RFX2: variants seen among roughly 807,000 people sequenced by gnomAD.
RFX2 encodes the protein DNA-binding protein RFX2.
A neutral mutation model predicts 87.8 loss-of-function variants in RFX2; 20 were observed. The observed-to-expected ratio is 0.23, with a 90% confidence interval of 0.16 to 0.33. The LOEUF (loss-of-function observed/expected upper bound fraction) is 0.33. Ranked by LOEUF, RFX2 falls within the 10% of genes least tolerant of loss-of-function variation. The pLI is 1.00. For missense variants in RFX2, 767 were observed against 1,012.3 expected, an observed-to-expected ratio of 0.76 and a Z score of 3.29; for synonymous variants, 397 against 431.3, an observed-to-expected ratio of 0.92 and a Z score of 0.98.
rs116208371 is a variant in RFX2, at chr19:6,021,179, G to T, written c.598-4908C>A. 0.02 allele frequency among the ~76,000 whole-genome samples: 3,096 copies of T among 152,312 alleles called. 102 individuals carry two copies. Among genetic ancestry groups the T allele is most frequent in the African/African-American group, 0.071 (2,955 of 41,552 alleles). Reference sequence around the variant, plus strand: ...TCACCGGGCCATACACTAGCAGCTCGGGCAGCTATTCCAACCGTCCAGGTG... The same window carrying T: ...TCACCGGGCCATACACTAGCAGCTCTGGCAGCTATTCCAACCGTCCAGGTG... On this transcript the variant is annotated intron_variant, in intron 6 of 17. Coordinates refer to ENST00000303657, the MANE Select transcript of RFX2 (RefSeq NM_000635.4). This position sits in a 1 kb window ranked among gnomAD's most constrained non-coding sequence, Gnocchi z 5.7.
intron 16 of RFX2, 46 bp from the exon 17 acceptor site, chr19:5,995,689 G>A (rs1318186495): frequency 6.5e-7 from 1 of 1,535,622 alleles, no homozygotes; most frequent in Non-Finnish European, 8.8e-7. Flanking sequence ...AGGGGCGGCA[G>A]TTGCTGTTTG....
intron 1 of RFX2, among the ~76,000 whole-genome samples, chr19:6,093,207 G>A (rs1247756512): frequency 6.6e-6 from 1 of 152,122 alleles, no homozygotes; most frequent in African/African-American, 2.4e-5. Flanking sequence ...CAGCATTGGC[G>A]GTAAAGTGGA....
At chr19:6,042,562 G>A (rs1253290732) in intron 3 of RFX2, among the ~76,000 whole-genome samples, 1 of 152,138 alleles carries the variant, frequency 6.6e-6, no homozygotes, top group Non-Finnish European at 1.5e-5. Context: ...TCAAGCTGGC[G>A]TGCAGGCTGC....
rs370145903 is a variant in RFX2, at chr19:6,100,402, A to G, written c.-9+9991T>C. On this transcript the variant is annotated intron_variant, in intron 1 of 17. Transcript: ENST00000303657. ...GCGGTTGGGAGAAGAGGAAGAGATC[A>G]GTAAGAATCCAGAGACGACAGAGCC... is the stretch of plus-strand genomic sequence containing the variant. Among the ~76,000 whole-genome samples, 664 of 152,344 alleles carry G rather than the reference A, an allele frequency of 4.4e-3. 2 individuals are homozygous for G. The highest frequency in any genetic ancestry group is 0.015 in the African/African-American group (626 of 41,578).
intron 1 of RFX2, among the ~76,000 whole-genome samples, chr19:6,055,712 A>C (rs750761884): frequency 6.6e-6 from 1 of 152,224 alleles, no homozygotes; most frequent in Non-Finnish European, 1.5e-5. Flanking sequence ...GTCACCAAAA[A>C]GTAAAAATAA....
In RFX2 at chr19:6,002,905, C is replaced by T. The variant is rs770619538; in HGVS notation, c.1501-35G>A. The T allele has an allele frequency of 2.1e-5, 33 of 1,581,272 alleles. No homozygotes were observed. Among genetic ancestry groups the T allele is most frequent in the African/African-American group, 6.7e-5 (5 of 74,670 alleles). ...AGGGCTCGTGGTGAGCAGGGGTTCG[C>T]AGGGAGAGCCTGTTCCGCTGCGCTC... On this transcript the variant is annotated intron_variant, in intron 13 of 17. Transcript: ENST00000303657. The surrounding 1 kb of genome is among the most constrained non-coding windows in gnomAD (Gnocchi z 6.7).
At position 6,047,359 on chromosome 19, in the gene RFX2, C is replaced by T. The variant is rs371159245; in HGVS notation, c.90+48G>A. On this transcript the variant is annotated intron_variant, in intron 2 of 17. Transcript: ENST00000303657. The surrounding 1 kb of genome is among the most constrained non-coding windows in gnomAD (Gnocchi z 4.2). ...GAGCAGCTTTCAAACCCATAGAGAT[C>T]GCGTCCACACTGTGGCCACCCTGTT... The T allele has an allele frequency of 2.2e-5, 31 of 1,437,310 alleles. No homozygotes were observed. The highest frequency in any genetic ancestry group is 2.8e-5 in the African/African-American group (2 of 70,422). 89.0% of individuals were successfully genotyped at this position (1,437,310 alleles called of 1,614,324 possible).
At chr19:6,008,460 G>T (rs1401303161) in intron 9 of RFX2, among the ~76,000 whole-genome samples, 1 of 141,994 alleles carries the variant, frequency 7.0e-6, no homozygotes, top group Admixed American at 7.2e-5. Context: ...GCAACCTCCA[G>T]CTCCTGGGAT....
chr19:6,098,962 C>G (rs946357793), intron 1 of RFX2, among the ~76,000 whole-genome samples: 1 of 80,336 alleles, frequency 1.2e-5, no homozygotes, highest in Non-Finnish European at 2.1e-5. Context: ...ACTGCTTGAA[C>G]CACAAAAAAA....
intron 1 of RFX2, among the ~76,000 whole-genome samples, chr19:6,090,587 G>A: frequency 6.6e-6 from 1 of 152,134 alleles, no homozygotes. Context: ...CTCACTCCCT[G>A]CCGGTGGGAC....
intron 1 of RFX2, among the ~76,000 whole-genome samples, chr19:6,062,949 C>T (rs951407761): frequency 2.0e-5 from 3 of 152,172 alleles, no homozygotes; most frequent in African/African-American, 7.2e-5. Context: ...TCAATATCTG[C>T]TCGTCCTTTC....
chr19:6,107,512 GA>G (rs1214342510), intron 1 of RFX2, among the ~76,000 whole-genome samples: 5 of 150,918 alleles, frequency 3.3e-5, no homozygotes, highest in African/African-American at 1.2e-4. Flanking sequence ...AGCTATTCAG[GA>G]GGCTGAGACA....
At chr19:6,098,744 T>C (rs1005450622) in intron 1 of RFX2, among the ~76,000 whole-genome samples, 4 of 151,486 alleles carry the variant, frequency 2.6e-5, no homozygotes, top group African/African-American at 9.7e-5. Context: ...GATCCACGTG[T>C]TGGGAAATGC....
In RFX2 at chr19:6,039,792, C is replaced by G. The variant is rs2087077717; in HGVS notation, c.522+188G>C. On this transcript the variant is annotated intron_variant, in intron 5 of 17. Transcript: ENST00000303657. The surrounding 1 kb of genome is among the most constrained non-coding windows in gnomAD (Gnocchi z 5.2). ...CAATGGCCAACTGAAGTTCAAAGAA[C>G]TCTGCAGGCCTGCCTATGGTTGCGT... Among the ~76,000 whole-genome samples the G allele has an allele frequency of 6.6e-6, 1 of 152,258 alleles. No homozygotes were observed. The highest frequency in any genetic ancestry group is 2.4e-5 in the African/African-American group (1 of 41,470).
chr19:5,999,401 A>C lies in RFX2; in HGVS notation c.1860-2188T>G, dbSNP rs1278135389. On this transcript the variant is annotated intron_variant, in intron 15 of 17. Coordinates refer to ENST00000303657, the MANE Select transcript of RFX2 (RefSeq NM_000635.4). This position sits in a 1 kb window ranked among gnomAD's most constrained non-coding sequence, Gnocchi z 4.1. ...TGGCAGGCACCTCAGTCCTGCGCTC[A>C]CTCTGCTCTTCTCAATTCTTCCGCT... Among the ~76,000 whole-genome samples the C allele has an allele frequency of 6.6e-6, 1 of 151,740 alleles. No homozygotes were observed. The highest frequency in any genetic ancestry group is 1.5e-5 in the Non-Finnish European group (1 of 67,932).
Position 6,007,831 on chromosome 19 carries a change from C to A in RFX2, c.1135-29G>T. 2.1e-6 allele frequency: 3 copies of A among 1,414,206 alleles called. No individual in the cohort carries two copies. Among genetic ancestry groups the A allele is most frequent in the Non-Finnish European group, 2.9e-6 (3 of 1,021,612 alleles). 87.6% of individuals were successfully genotyped at this position (1,414,206 alleles called of 1,614,324 possible). On this transcript the variant is annotated intron_variant, in intron 10 of 17. Coordinates refer to ENST00000303657, the MANE Select transcript of RFX2 (RefSeq NM_000635.4). This position sits in a 1 kb window ranked among gnomAD's most constrained non-coding sequence, Gnocchi z 8.2. ...GGAATGAAGGGACCGGTGAGACAGA[C>A]GGGTGCGTGCGCCCATCACGTGCAC...
intron 5 of RFX2, among the ~76,000 whole-genome samples, chr19:6,038,328 GAAAAAAAAAAAA>G (rs55857624): frequency 1.6e-5 from 1 of 61,100 alleles, no homozygotes; most frequent in African/African-American, 6.8e-5. Flanking sequence ...CTCCGTCTCA[GAAAAAAAAAAAA>G]AAAAAAAAAA....
intron 1 of RFX2, among the ~76,000 whole-genome samples, chr19:6,093,634 G>A (rs766535332): frequency 7.2e-5 from 11 of 151,924 alleles, no homozygotes; most frequent in Admixed American, 5.2e-4. Flanking sequence ...AAACACAGTA[G>A]AAAGTGATAA....
intron 1 of RFX2, among the ~76,000 whole-genome samples, chr19:6,109,646 G>A (rs998569185): frequency 6.6e-6 from 1 of 152,182 alleles, no homozygotes; most frequent in Non-Finnish European, 1.5e-5. Flanking sequence ...GACTAAGAGT[G>A]ACAGAAGGGC....
Sources: allele counts gnomAD v4.1 joint callset (sites outside exome capture counted in the v4.1 genomes callset), GRCh38; gene constraint gnomAD v4.1.1; non-coding constraint Gnocchi (gnomAD v3.1); transcripts MANE v1.5; gene names NCBI Gene and HGNC (gene_info 2026-07-23, HGNC 2026-07-21).